The following NPFFR2 variants were observed in gnomAD, a reference collection of about 807,000 sequenced individuals.
NPFFR2 encodes the protein G-protein coupled receptor 74.
A neutral mutation model predicts 13.1 loss-of-function variants in NPFFR2; 15 were observed. That is an observed-to-expected ratio of 1.15 (90% confidence interval 0.77 to 1.76). The LOEUF (loss-of-function observed/expected upper bound fraction) is 1.76, where lower values mean the gene tolerates loss of function less well. Among genes scored for constraint, NPFFR2 ranks in the 40% most tolerant of loss-of-function variants. NPFFR2 has a pLI of 0.00. For missense variants in NPFFR2, 572 were observed against 503.5 expected (o/e 1.14, Z -1.30); for synonymous variants, 190 against 175.7 (o/e 1.08, Z -0.65).
chr4:72,132,484 A>T lies in NPFFR2; in HGVS notation c.328+3565A>T, dbSNP rs1329127220. ...ACACATACATGTGTCTTTATAATAGAACAATTTATATTCCTCTGGGTATAT... is the reference window on the plus strand; with the variant it reads ...ACACATACATGTGTCTTTATAATAGTACAATTTATATTCCTCTGGGTATAT... On this transcript the variant is annotated intron_variant, in intron 2 of 3. Coordinates refer to ENST00000308744, the MANE Select transcript of NPFFR2 (RefSeq NM_004885.3). Among the ~76,000 whole-genome samples the T allele has an allele frequency of 2.0e-5, 3 of 152,208 alleles. No homozygotes were observed. The South Asian group carries it at 6.2e-4, about 32-fold the overall frequency.
chr4:72,120,102 G>T (rs898998619), intron 1 of NPFFR2, among the ~76,000 whole-genome samples: 2 of 152,106 alleles, frequency 1.3e-5, no homozygotes, highest in African/African-American at 4.8e-5. Context: ...GGGGAGGGAC[G>T]TCCACCATTA....
At chr4:72,038,901 CTTTCTTTTTTTT>C (rs1379071260) in intron 1 of NPFFR2, among the ~76,000 whole-genome samples, 3 of 86,918 alleles carry the variant, frequency 3.5e-5, no homozygotes, top group Non-Finnish European at 6.7e-5. Flanking sequence ...TTTAAATTTC[CTTTCTTTTTTTT>C]TTTTTTTTTT....
chr4:72,076,603 C>T (rs1720443584), intron 1 of NPFFR2, among the ~76,000 whole-genome samples: 1 of 152,074 alleles, frequency 6.6e-6, no homozygotes, highest in South Asian at 2.1e-4. Flanking sequence ...AGGCAGAAGC[C>T]AAACTGCTGT....
chr4:72,054,295 A>G (rs1719677550), intron 1 of NPFFR2, among the ~76,000 whole-genome samples: 1 of 151,926 alleles, frequency 6.6e-6, no homozygotes, highest in Non-Finnish European at 1.5e-5. Flanking sequence ...ATGTAGACAA[A>G]CAGAACACAA....
At chr4:72,141,712 G>A (rs1392681905) in intron 3 of NPFFR2, among the ~76,000 whole-genome samples, 2 of 152,134 alleles carry the variant, frequency 1.3e-5, no homozygotes, top group Non-Finnish European at 2.9e-5. Flanking sequence ...AGTGTGATGT[G>A]GTGCTGAGAA....
intron 1 of NPFFR2, among the ~76,000 whole-genome samples, chr4:72,115,531 G>T (rs1721689294): frequency 6.6e-6 from 1 of 152,152 alleles, no homozygotes; most frequent in Non-Finnish European, 1.5e-5. Context: ...ATAGGCAGAG[G>T]TGTAGTGGGT....
At position 72,134,771 on chromosome 4, in the gene NPFFR2, G is replaced by T. The variant is rs577357553; in HGVS notation, c.329-3269G>T. Among the ~76,000 whole-genome samples, 74 of 152,106 alleles carry T rather than the reference G, an allele frequency of 4.9e-4. 1 individual carries two copies. Among genetic ancestry groups the T allele is most frequent in the Non-Finnish European group, 8.2e-4 (56 of 68,004 alleles). ...TATCTATAAATATACGTGCAGGTAC[G>T]TTTCCCGGTGTTTTCTGTTCTCTTT... On this transcript the variant is annotated intron_variant, in intron 2 of 3. Coordinates refer to ENST00000308744, the MANE Select transcript of NPFFR2 (RefSeq NM_004885.3).
At chr4:72,038,182 T>C (rs564212362) in intron 1 of NPFFR2, among the ~76,000 whole-genome samples, 66 of 152,322 alleles carry the variant, frequency 4.3e-4, no homozygotes, top group Non-Finnish European at 7.6e-4. Flanking sequence ...AGGGGTTCTT[T>C]AAGTCATTTC....
At position 72,071,256 on chromosome 4, in the gene NPFFR2, A is replaced by G. The variant is rs543267751; in HGVS notation, c.-8+39056A>G. On this transcript the variant is annotated intron_variant, in intron 1 of 3. Transcript: ENST00000308744. Reference sequence around the variant, plus strand: ...CGTAAATGTCAATGCTGTATGGTAAATATCACCTAGCTGAGACTATGAATT... The same window carrying G: ...CGTAAATGTCAATGCTGTATGGTAAGTATCACCTAGCTGAGACTATGAATT... Among the ~76,000 whole-genome samples the G allele has an allele frequency of 2.1e-3, 327 of 152,266 alleles. 2 individuals carry two copies. Among genetic ancestry groups the G allele is most frequent in the African/African-American group, 7.2e-3 (301 of 41,566 alleles).
At chr4:72,136,647 C>T (rs1444018650) in intron 2 of NPFFR2, among the ~76,000 whole-genome samples, 1 of 152,082 alleles carries the variant, frequency 6.6e-6, no homozygotes, top group Non-Finnish European at 1.5e-5. Context: ...GAATGTAGGG[C>T]TGGCTGTTAC....
chr4:72,057,962 A>C (rs968934394), intron 1 of NPFFR2, among the ~76,000 whole-genome samples: 1 of 152,066 alleles, frequency 6.6e-6, no homozygotes, highest in East Asian at 1.9e-4. Flanking sequence ...ATGGAGTGGC[A>C]TTCTGATACT....
At position 72,032,057 on chromosome 4, in the gene NPFFR2, G is replaced by T; in HGVS notation, c.-151G>T. ...GGAGCGGAAGCCTGGAGTGGAGCAG[G>T]CAGTCCGCGGGGGACAGACGTCGGC... On this transcript the variant is annotated 5_prime_UTR_variant, in exon 1 of 4. Transcript: ENST00000308744. 5 of 1,614,094 alleles carry T rather than the reference G, an allele frequency of 3.1e-6. No homozygotes were observed. Among genetic ancestry groups the T allele is most frequent in the Non-Finnish European group, 4.2e-6 (5 of 1,180,002 alleles).
At chr4:72,081,470 C>A (rs1720616650) in intron 1 of NPFFR2, among the ~76,000 whole-genome samples, 1 of 148,500 alleles carries the variant, frequency 6.7e-6, no homozygotes, top group Non-Finnish European at 1.5e-5. Flanking sequence ...AAGAAGATGG[C>A]TAATAATTGA....
chr4:72,126,876 A>G (rs1050207772), intron 1 of NPFFR2, among the ~76,000 whole-genome samples: 6 of 152,164 alleles, frequency 3.9e-5, no homozygotes, highest in Non-Finnish European at 5.9e-5. Flanking sequence ...CCCCATGTAC[A>G]TTTTCCATTC....
intron 1 of NPFFR2, among the ~76,000 whole-genome samples, chr4:72,037,628 C>T (rs1719078211): frequency 6.6e-6 from 1 of 152,094 alleles, no homozygotes; most frequent in Non-Finnish European, 1.5e-5. Context: ...TCATGATCTC[C>T]TCTTCTGTCT....
intron 1 of NPFFR2, among the ~76,000 whole-genome samples, chr4:72,077,973 T>A (rs1198402142): frequency 6.6e-6 from 1 of 152,018 alleles, no homozygotes; most frequent in African/African-American, 2.4e-5. Context: ...TGTGTAGTGG[T>A]TGTGTGGTGG....
intron 1 of NPFFR2, among the ~76,000 whole-genome samples, chr4:72,034,463 A>T (rs1043003776): frequency 6.6e-6 from 1 of 152,188 alleles, no homozygotes; most frequent in Non-Finnish European, 1.5e-5. Flanking sequence ...CTATCATGAG[A>T]ATAACATGGT....
intron 1 of NPFFR2, among the ~76,000 whole-genome samples, chr4:72,108,868 C>T (rs1288740172): frequency 2.6e-5 from 4 of 151,960 alleles, no homozygotes; most frequent in Non-Finnish European, 4.4e-5. Flanking sequence ...AATTCACTTT[C>T]TTCTCTGGAC....
intron 1 of NPFFR2, among the ~76,000 whole-genome samples, chr4:72,037,834 T>C (rs1719083742): frequency 6.6e-6 from 1 of 152,236 alleles, no homozygotes; most frequent in South Asian, 2.1e-4. Context: ...CTGTGATATA[T>C]GCTTCTTTCA....
Sources: gnomAD v4.1 joint callset for allele counts (sites outside exome capture counted in the v4.1 genomes callset) on GRCh38, gnomAD v4.1.1 for gene constraint, MANE v1.5 for transcripts, NCBI Gene and HGNC (gene_info 2026-07-23, HGNC 2026-07-21) for gene names.